Variants in SLC9A2 observed in about 807,000 individuals in gnomAD.
SLC9A2 encodes the protein sodium/hydrogen exchanger 2.
A neutral mutation model predicts 71.7 loss-of-function variants in SLC9A2; 42 were observed. The observed-to-expected ratio is 0.59, with a 90% CI of 0.46 to 0.76. SLC9A2 has a LOEUF of 0.76. Ranked by LOEUF, SLC9A2 falls within the 30% of genes least tolerant of loss-of-function variation. The pLI, the probability that SLC9A2 is intolerant of heterozygous loss-of-function variation, is 0.00. For missense variants in SLC9A2, 829 were observed against 1,017.4 expected, an observed-to-expected ratio of 0.81 and a Z score of 2.52; for synonymous variants, 396 against 392.5, an observed-to-expected ratio of 1.01 and a Z score of -0.10.
intron 1 of SLC9A2, among the ~76,000 whole-genome samples, chr2:102,649,817 A>G (rs1447800164): frequency 6.6e-6 from 1 of 152,200 alleles, no homozygotes; most frequent in Non-Finnish European, 1.5e-5. Flanking sequence ...TTAGGAAACA[A>G]TAGATGCTGG....
Position 102,657,673 on chromosome 2 carries a change from C to G in SLC9A2, c.399C>G (p.Pro133=). Residue 133 remains proline (P), a synonymous_variant, in exon 2 of 12, where the codon CCC becomes CCG. Coordinates refer to ENST00000233969, the MANE Select transcript of SLC9A2 (RefSeq NM_003048.6). Reference sequence around the variant, plus strand: ...TTTTTGGTGTTGATGAGAAGTCTCCCCCTGCAATGAAGACTGATGTATTTT... The same window carrying G: ...TTTTTGGTGTTGATGAGAAGTCTCCGCCTGCAATGAAGACTGATGTATTTT... ...GIIFGVDEKS[P]PAMKTDVFFL... is the part of the protein sequence containing the mutation. 6.2e-7 allele frequency: 1 copy of G among 1,613,786 alleles called. No individual in the cohort carries two copies. The highest frequency in any genetic ancestry group is 1.3e-5 in the African/African-American group (1 of 75,032).
chr2:102,681,798 A>C (rs564540587), intron 3 of SLC9A2, among the ~76,000 whole-genome samples: 3 of 152,182 alleles, frequency 2.0e-5, no homozygotes, highest in Admixed American at 2.0e-4. Context: ...TGAAGTCTTC[A>C]TTTTGTTTTA....
chr2:102,667,309 T>A (rs1677160184), intron 3 of SLC9A2, among the ~76,000 whole-genome samples: 1 of 152,058 alleles, frequency 6.6e-6, no homozygotes, highest in Non-Finnish European at 1.5e-5. Context: ...GGGCGGGACT[T>A]AGTATCTAGT....
At chr2:102,664,145 G>A (rs569519186) in intron 2 of SLC9A2, among the ~76,000 whole-genome samples, 12 of 151,814 alleles carry the variant, frequency 7.9e-5, no homozygotes, top group Middle Eastern at 6.8e-3. Context: ...GTGTGGTGGC[G>A]CCTGCCTGTA....
intron 3 of SLC9A2, among the ~76,000 whole-genome samples, chr2:102,676,510 G>T: frequency 6.6e-6 from 1 of 152,180 alleles, no homozygotes; most frequent in Non-Finnish European, 1.5e-5. Context: ...AAGTCTTCAT[G>T]ATTAATCCAG....
chr2:102,704,780 C>A, intron 10 of SLC9A2, 105 bp downstream of exon 10: 1 of 1,300,612 alleles, frequency 7.7e-7, no homozygotes, highest in Non-Finnish European at 1.1e-6. Flanking sequence ...TGGCTGTTGA[C>A]AGTTCTCTGA....
chr2:102,667,563 ATGCTGTATCAAGTCACTGGCCTCT>A (rs1436866320), intron 3 of SLC9A2, among the ~76,000 whole-genome samples: 3 of 152,170 alleles, frequency 2.0e-5, no homozygotes, highest in Admixed American at 6.5e-5. Flanking sequence ...TGGAAGGCCT[ATGCTGTATCAAGTCACTGGCCTCT>A]TGTGAAGATG....
At chr2:102,666,517 G>T (rs753945721) in intron 3 of SLC9A2, among the ~76,000 whole-genome samples, 2 of 152,138 alleles carry the variant, frequency 1.3e-5, no homozygotes, top group Non-Finnish European at 2.9e-5. Flanking sequence ...TTTAAACAAA[G>T]ATGCAGGATT....
chr2:102,633,226 A>T (rs1676408315), intron 1 of SLC9A2, among the ~76,000 whole-genome samples: 1 of 152,220 alleles, frequency 6.6e-6, no homozygotes, highest in African/African-American at 2.4e-5. Context: ...TAAAAAATAG[A>T]TGAGGATAAG....
At chr2:102,659,636 A>G (rs1329289380) in intron 2 of SLC9A2, among the ~76,000 whole-genome samples, 3 of 152,206 alleles carry the variant, frequency 2.0e-5, no homozygotes, top group African/African-American at 7.2e-5. Context: ...ATTTTAAGAC[A>G]GCTAAGTTAC....
At chr2:102,672,373 T>C (rs764048721) in intron 3 of SLC9A2, among the ~76,000 whole-genome samples, 22 of 152,118 alleles carry the variant, frequency 1.4e-4, no homozygotes, top group Non-Finnish European at 2.9e-4. Context: ...TGTTCTGTAG[T>C]GCTCACCACT....
intron 3 of SLC9A2, among the ~76,000 whole-genome samples, chr2:102,676,135 G>A (rs1199305294): frequency 6.6e-6 from 1 of 152,188 alleles, no homozygotes; most frequent in East Asian, 1.9e-4. Context: ...AAAGTATTCT[G>A]TGTATGTGTC....
chr2:102,665,134 T>G lies in SLC9A2; in HGVS notation c.788T>G (p.Met263Arg). Residue 263 changes from methionine to arginine, a missense_variant, in exon 3 of 12, where the codon ATG becomes AGG. Coordinates refer to ENST00000233969, the MANE Select transcript of SLC9A2 (RefSeq NM_003048.6). ...AACTTGTTCAAGTCGTTTTGCCAGA[T>G]GAAAACCATTGAGACCATTGATGTG... is the stretch of plus-strand genomic sequence containing the variant. ...LYNLFKSFCQ[M>R]KTIETIDVFA... is the part of the protein sequence containing the mutation. The G allele has an allele frequency of 6.2e-7, 1 of 1,614,076 alleles. No homozygotes were observed. The highest frequency in any genetic ancestry group is 1.3e-5 in the African/African-American group (1 of 74,990).
chr2:102,628,486 A>T (rs538759804), intron 1 of SLC9A2, among the ~76,000 whole-genome samples: 1 of 152,148 alleles, frequency 6.6e-6, no homozygotes, highest in African/African-American at 2.4e-5. Context: ...ATGAATTCTC[A>T]TGATCCAAAT....
At chr2:102,665,773 TA>T (rs11426516) in intron 3 of SLC9A2, among the ~76,000 whole-genome samples, 61 of 38,758 alleles carry the variant, frequency 1.6e-3, no homozygotes, top group Non-Finnish European at 2.4e-3. Flanking sequence ...GACTCTGTCT[TA>T]AAAAAAAAAA....
chr2:102,649,080 A>G (rs146316041), intron 1 of SLC9A2, among the ~76,000 whole-genome samples: 2 of 152,328 alleles, frequency 1.3e-5, no homozygotes, highest in Admixed American at 1.3e-4. Context: ...ACTATACTAC[A>G]AGGCTACAGT....
Position 102,708,497 on chromosome 2 carries a change from A to G in SLC9A2, c.*8A>G. On this transcript the variant is annotated 3_prime_UTR_variant, in exon 12 of 12. Transcript: ENST00000233969. ...GGGAGTGAGAAGCCTTAAGAGAAGC[A>G]GCGAAAGCAGATCTGAGTGTCTGAC... 1 of 1,610,374 alleles carries G rather than the reference A, an allele frequency of 6.2e-7. No homozygotes were observed. Among genetic ancestry groups the G allele is most frequent in the Non-Finnish European group, 8.5e-7 (1 of 1,177,956 alleles).
chr2:102,700,357 G>A (rs1406532499), intron 7 of SLC9A2, among the ~76,000 whole-genome samples: 2 of 152,016 alleles, frequency 1.3e-5, no homozygotes, highest in Non-Finnish European at 2.9e-5. Flanking sequence ...AGTGAGTGGC[G>A]GTATGAAAGA....
chr2:102,680,686 C>T (rs1206699608), intron 3 of SLC9A2, among the ~76,000 whole-genome samples: 1 of 152,172 alleles, frequency 6.6e-6, no homozygotes, highest in Admixed American at 6.5e-5. Context: ...CCAAAGATGT[C>T]CACATCCTAA....
Sources: gnomAD v4.1 joint callset for allele counts (sites outside exome capture counted in the v4.1 genomes callset) on GRCh38, gnomAD v4.1.1 for gene constraint, MANE v1.5 for transcripts, NCBI Gene and HGNC (gene_info 2026-07-23, HGNC 2026-07-21) for gene names.